FBXL7: variants seen among roughly 807,000 people sequenced by gnomAD.
FBXL7 encodes the protein F-box/LRR-repeat protein 7.
Under a neutral mutation model 38.3 loss-of-function variants are expected in FBXL7, and 12 were observed. The ratio of observed to expected loss-of-function variants is 0.31; its 90% CI spans 0.20 to 0.51. The LOEUF (loss-of-function observed/expected upper bound fraction) is 0.51. Ranked by LOEUF, FBXL7 falls within the 20% of genes least tolerant of loss-of-function variation. The pLI, the probability that FBXL7 is intolerant of heterozygous loss-of-function variation, is 0.98. For synonymous variants in FBXL7, 297 were observed against 300.9 expected, an observed-to-expected ratio of 0.99 and a Z score of 0.13; for missense variants, 567 against 676.4, an observed-to-expected ratio of 0.84 and a Z score of 1.79.
intron 1 of FBXL7, among the ~76,000 whole-genome samples, chr5:15,550,553 T>C (rs532519065): frequency 6.6e-6 from 1 of 152,302 alleles, no homozygotes; most frequent in Non-Finnish European, 1.5e-5. Context: ...CTTCCACAGA[T>C]GCAAAGATGG....
At chr5:15,663,553 A>G (rs1237885365) in intron 2 of FBXL7, among the ~76,000 whole-genome samples, 3 of 152,178 alleles carry the variant, frequency 2.0e-5, no homozygotes, top group Admixed American at 6.6e-5. Context: ...TTTTATCAAA[A>G]GCCATTACCC....
intron 2 of FBXL7, among the ~76,000 whole-genome samples, chr5:15,672,059 T>A (rs1211753319): frequency 1.3e-5 from 2 of 152,194 alleles, no homozygotes; most frequent in African/African-American, 4.8e-5. Flanking sequence ...CAAAATTAGA[T>A]AAAAGCAACC....
intron 2 of FBXL7, among the ~76,000 whole-genome samples, chr5:15,858,365 C>G (rs1316302496): frequency 6.6e-6 from 1 of 151,808 alleles, no homozygotes; most frequent in Non-Finnish European, 1.5e-5. Flanking sequence ...TACAGTAAAC[C>G]ATTCAGCTAA....
At chr5:15,874,926 A>G (rs917394566) in intron 2 of FBXL7, among the ~76,000 whole-genome samples, 2 of 152,248 alleles carry the variant, frequency 1.3e-5, no homozygotes, top group Non-Finnish European at 2.9e-5. Flanking sequence ...TAAATTTCAT[A>G]TGGAATGAAA....
intron 1 of FBXL7, among the ~76,000 whole-genome samples, chr5:15,561,726 T>C (rs558074696): frequency 2.2e-4 from 34 of 152,232 alleles, no homozygotes; most frequent in Middle Eastern, 3.4e-3. Flanking sequence ...CCAACACTTA[T>C]ACCTTTTTGA....
chr5:15,811,884 TGGTG>T (rs1479563898), intron 2 of FBXL7, among the ~76,000 whole-genome samples: 1 of 152,134 alleles, frequency 6.6e-6, no homozygotes, highest in Non-Finnish European at 1.5e-5. Flanking sequence ...TTTACACTGT[TGGTG>T]GGAGTGTAAA....
At chr5:15,883,715 G>A (rs1482922868) in intron 2 of FBXL7, among the ~76,000 whole-genome samples, 1 of 152,132 alleles carries the variant, frequency 6.6e-6, no homozygotes, top group Non-Finnish European at 1.5e-5. Context: ...AATTTTTTCA[G>A]TGGGTGGTAG....
At chr5:15,773,410 G>A (rs539046660) in intron 2 of FBXL7, among the ~76,000 whole-genome samples, 2 of 152,118 alleles carry the variant, frequency 1.3e-5, no homozygotes, top group East Asian at 1.9e-4. Flanking sequence ...TTGGGAGGCC[G>A]AGACAGGAGG....
intron 1 of FBXL7, among the ~76,000 whole-genome samples, chr5:15,503,482 C>T (rs1477972218): frequency 6.6e-6 from 1 of 152,204 alleles, no homozygotes; most frequent in African/African-American, 2.4e-5. Context: ...ATCCCAGCAG[C>T]CATATTCAAC....
chr5:15,522,150 G>C (rs1476844658), intron 1 of FBXL7, among the ~76,000 whole-genome samples: 1 of 152,088 alleles, frequency 6.6e-6, no homozygotes, highest in Non-Finnish European at 1.5e-5. Flanking sequence ...AGTTTGATTG[G>C]CTCCTTCATT....
chr5:15,833,513 T>C (rs1738512398), intron 2 of FBXL7, among the ~76,000 whole-genome samples: 1 of 152,250 alleles, frequency 6.6e-6, no homozygotes, highest in African/African-American at 2.4e-5. Flanking sequence ...CGTTATTTAC[T>C]CAGCTTTGCT....
In FBXL7 at chr5:15,572,374, A is replaced by G. The variant is rs376186671; in HGVS notation, c.38-43609A>G. 3.7e-3 allele frequency among the ~76,000 whole-genome samples: 538 copies of G among 144,808 alleles called. 7 individuals are homozygous for G. Among genetic ancestry groups the G allele is most frequent in the African/African-American group, 0.013 (506 of 38,016 alleles). 95.0% of individuals were successfully genotyped at this position (144,808 alleles called of 152,430 possible). Reference sequence around the variant, plus strand: ...TGGAGGAGCTTTAGCAGAAACATCCATCTGGTTTCTGCTAAAAAAAAAAAA... The same window carrying G: ...TGGAGGAGCTTTAGCAGAAACATCCGTCTGGTTTCTGCTAAAAAAAAAAAA... On this transcript the variant is annotated intron_variant, in intron 1 of 3. Coordinates refer to ENST00000504595, the MANE Select transcript of FBXL7 (RefSeq NM_012304.5).
chr5:15,528,325 A>AT (rs1433154504), intron 1 of FBXL7, among the ~76,000 whole-genome samples: 1 of 152,196 alleles, frequency 6.6e-6, no homozygotes, highest in Non-Finnish European at 1.5e-5. Context: ...GTTTGGTGGA[A>AT]TCTAGCAGGA....
chr5:15,706,193 G>C (rs1273967843), intron 2 of FBXL7, among the ~76,000 whole-genome samples: 3 of 152,168 alleles, frequency 2.0e-5, no homozygotes, highest in Non-Finnish European at 4.4e-5. Context: ...TGGGGCCTGG[G>C]GGGAGGTGTT....
chr5:15,873,168 C>T (rs1219527328), intron 2 of FBXL7, among the ~76,000 whole-genome samples: 1 of 151,768 alleles, frequency 6.6e-6, no homozygotes, highest in Non-Finnish European at 1.5e-5. Context: ...GAACAACCTG[C>T]TCCTGAATGA....
intron 1 of FBXL7, among the ~76,000 whole-genome samples, chr5:15,529,289 A>G (rs1431618690): frequency 6.6e-6 from 1 of 152,192 alleles, no homozygotes; most frequent in Non-Finnish European, 1.5e-5. Context: ...CATTGTGTAT[A>G]TGCCACATTT....
At chr5:15,643,453 G>A (rs1251026145) in intron 2 of FBXL7, among the ~76,000 whole-genome samples, 2 of 152,142 alleles carry the variant, frequency 1.3e-5, no homozygotes, top group African/African-American at 4.8e-5. Context: ...CCAAGGCAAG[G>A]GCATAGAAAG....
rs564853876 is a variant in FBXL7 at position 15,591,581 on chromosome 5, C to T, written c.38-24402C>T. Among the ~76,000 whole-genome samples the T allele has an allele frequency of 5.9e-5, 9 of 152,244 alleles. No individual in the cohort carries two copies. In the South Asian group the frequency reaches 8.3e-4, roughly 14 times the overall value. ...GAAGGCCTAGGACCAAAGCCCGAGT[C>T]GAGAAGTGGCAGCTTCCATTTTTCT... On this transcript the variant is annotated intron_variant, in intron 1 of 3. Transcript: ENST00000504595.
chr5:15,684,945 C>A (rs1440084972), intron 2 of FBXL7, among the ~76,000 whole-genome samples: 1 of 152,180 alleles, frequency 6.6e-6, no homozygotes, highest in Non-Finnish European at 1.5e-5. Flanking sequence ...CAGAAATAAC[C>A]ACTATATGTT....
Sources: gnomAD v4.1 joint callset for allele counts (sites outside exome capture counted in the v4.1 genomes callset) on GRCh38, gnomAD v4.1.1 for gene constraint, MANE v1.5 for transcripts, NCBI Gene and HGNC (gene_info 2026-07-23, HGNC 2026-07-21) for gene names.